Variants in LARP1B observed in about 807,000 individuals in gnomAD.
LARP1B encodes la-related protein 1B.
LARP1B carries 76 observed loss-of-function variants against 114.2 expected under a neutral mutation model. The observed-to-expected ratio is 0.67, with a 90% CI of 0.55 to 0.81. LARP1B has a LOEUF of 0.81. LARP1B is among the 30% of genes least tolerant of loss of function. The pLI, the probability that LARP1B is intolerant of heterozygous loss-of-function variation, is 0.00. For missense variants in LARP1B, 1,014 were observed against 1,075.8 expected (o/e 0.94, Z 0.80); for synonymous variants, 345 against 348.0 (o/e 0.99, Z 0.10).
At chr4:128,197,378 T>C (rs911908602) in intron 15 of LARP1B, among the ~76,000 whole-genome samples, 1 of 152,204 alleles carries the variant, frequency 6.6e-6, no homozygotes, top group Non-Finnish European at 1.5e-5. Flanking sequence ...GAAAAAACAG[T>C]TGTTTTCCTT....
intron 7 of LARP1B, among the ~76,000 whole-genome samples, chr4:128,221,161 A>G (rs1218291386): frequency 6.6e-6 from 1 of 152,244 alleles, no homozygotes; most frequent in Non-Finnish European, 1.5e-5. Context: ...TAAATGATTT[A>G]CAATATATGC....
intron 15 of LARP1B, among the ~76,000 whole-genome samples, chr4:128,182,107 C>CT: frequency 7.6e-6 from 1 of 131,998 alleles, no homozygotes; most frequent in South Asian, 2.4e-4. Flanking sequence ...CCACTGCACC[C>CT]GGCCTTTTTT....
chr4:128,136,061 G>A (rs1291964090), intron 11 of LARP1B, among the ~76,000 whole-genome samples: 4 of 152,240 alleles, frequency 2.6e-5, no homozygotes, highest in South Asian at 4.1e-4. Flanking sequence ...CGGAGGCCAA[G>A]GTGGGCAGAT....
chr4:128,074,414 T>TA, intron 1 of LARP1B, 46 bp from the exon 2 acceptor site: 1 of 328,828 alleles, frequency 3.0e-6, no homozygotes, highest in Non-Finnish European at 4.4e-6. Context: ...TTGTTGAATT[T>TA]ATTGAATGAA....
intron 9 of LARP1B, among the ~76,000 whole-genome samples, chr4:128,111,556 G>A (rs542165148): frequency 6.6e-6 from 1 of 152,178 alleles, no homozygotes; most frequent in South Asian, 2.1e-4. Flanking sequence ...TTTTTATGTT[G>A]ACTGGGTGTG....
intron 15 of LARP1B, among the ~76,000 whole-genome samples, chr4:128,182,255 A>G (rs1449671665): frequency 1.3e-5 from 2 of 151,828 alleles, no homozygotes; most frequent in Non-Finnish European, 2.9e-5. Context: ...CTGGAACTAC[A>G]GTTGCATGCC....
intron 1 of LARP1B, among the ~76,000 whole-genome samples, chr4:128,072,474 C>T (rs1187369774): frequency 6.6e-6 from 1 of 152,074 alleles, no homozygotes. Flanking sequence ...TAATGACATG[C>T]AGCATGATTT....
rs1020112319 is a variant in LARP1B at position 128,098,109 on chromosome 4, TCA to T, written c.669-74_669-73del. The T allele has an allele frequency of 1.3e-4, 155 of 1,150,950 alleles. No homozygotes were observed. In the African/African-American group the frequency reaches 2.0e-3, roughly 15 times the overall value. 71.3% of individuals were successfully genotyped at this position (1,150,950 alleles called of 1,614,324 possible). On this transcript the variant is annotated intron_variant, in intron 7 of 19. Transcript: ENST00000326639. ...ATATTTTCATGTTAATGATTGGTTT[TCA>T]CAGTTAATGTGGGAGCAATAGAAAT...
intron 8 of LARP1B, among the ~76,000 whole-genome samples, chr4:128,104,023 T>A (rs1488641104): frequency 6.6e-6 from 1 of 150,760 alleles, no homozygotes; most frequent in East Asian, 1.9e-4. Context: ...ATTTATTTAT[T>A]TAGAGATGGA....
rs186654377 is a variant in LARP1B at position 128,069,133 on chromosome 4, A to G, written c.-77-5327A>G. The G allele has an allele frequency of 6.4e-6, 7 of 1,085,546 alleles. No individual in the cohort carries two copies. The African/African-American group carries it at 7.7e-5, about 12-fold the overall frequency. The allele number at this position is 1,085,546 out of a possible 1,614,324, so 67.2% of individuals were successfully genotyped here. On this transcript the variant is annotated intron_variant, in intron 1 of 19. Coordinates refer to ENST00000326639, the MANE Select transcript of LARP1B (RefSeq NM_018078.4). ...AGGCTATGGCTCTTTCGGCCTGCAG[A>G]TGGCAGCCCATGCATCTTCCTATGC...
rs1788149570 is a variant in LARP1B, at chr4:128,122,138, G to T, written c.1474G>T (p.Glu492Ter). ...TATCAATGATGGCTTATACTATTAT[G>T]AACAGGATCTATGGATGGAAGAAGA... ...KVINDGLYYY[E>*]QDLWMEEDEN... Residue 492 changes from glutamate (E) to a stop codon, truncating the protein, a stop_gained, in exon 11 of 20, where the codon GAA (glutamate) becomes TAA (stop). Transcript: ENST00000326639. LOFTEE classifies it high-confidence loss of function. 2 of 1,613,876 alleles carry T rather than the reference G, an allele frequency of 1.2e-6. No individual in the cohort carries two copies. The highest frequency in any genetic ancestry group is 1.7e-6 in the Non-Finnish European group (2 of 1,179,850).
In LARP1B at chr4:128,098,138, T is replaced by C. The variant is rs747127972; in HGVS notation, c.669-48T>C. ...AGTTAATGTGGGAGCAATAGAAATATTTATTTCCTACTAAATAAATGGATG... is the reference window on the plus strand; with the variant it reads ...AGTTAATGTGGGAGCAATAGAAATACTTATTTCCTACTAAATAAATGGATG... On this transcript the variant is annotated intron_variant, in intron 7 of 19. Transcript: ENST00000326639. The C allele has an allele frequency of 1.1e-5, 16 of 1,449,224 alleles. No individual in the cohort carries two copies. The East Asian group carries it at 2.1e-4, about 19-fold the overall frequency. The allele number at this position is 1,449,224 out of a possible 1,614,324, so 89.8% of individuals were successfully genotyped here. A position where few individuals can be genotyped will look rare whatever the true frequency, so the allele number is the denominator to read the frequency against.
At chr4:128,155,558 A>G (rs1735142104) in intron 11 of LARP1B, 3 of 815,524 alleles carry the variant, frequency 3.7e-6, no homozygotes, top group Non-Finnish European at 6.6e-6. Context: ...GTACAGCTTC[A>G]TTTTCTGGGG....
intron 15 of LARP1B, among the ~76,000 whole-genome samples, chr4:128,191,883 A>C (rs2150796542): frequency 6.6e-6 from 1 of 152,282 alleles, no homozygotes; most frequent in African/African-American, 2.4e-5. Flanking sequence ...CCAATGAAGA[A>C]GCTGAGTCTG....
At chr4:128,063,427 CAAAAAAAAAAAAAAAA>C (rs763868048) in intron 1 of LARP1B, among the ~76,000 whole-genome samples, 8 of 13,218 alleles carry the variant, frequency 6.1e-4, no homozygotes, top group Admixed American at 2.7e-3. Context: ...GACCCACTCT[CAAAAAAAAAAAAAAAA>C]AAAAAAAAAA....
At chr4:128,114,407 T>G (rs1430270558) in intron 9 of LARP1B, among the ~76,000 whole-genome samples, 163 bp from the exon 10 acceptor site, 2 of 152,208 alleles carry the variant, frequency 1.3e-5, no homozygotes, top group African/African-American at 4.8e-5. Context: ...TGAGTAAATC[T>G]TATGAGCCCT....
intron 6 of LARP1B, among the ~76,000 whole-genome samples, chr4:128,220,147 A>C (rs1759897665): frequency 6.6e-6 from 1 of 152,034 alleles, no homozygotes; most frequent in Non-Finnish European, 1.5e-5. Context: ...AGCCTCCCAA[A>C]GTGCTGTGAT....
intron 11 of LARP1B, among the ~76,000 whole-genome samples, chr4:128,142,689 G>A (rs968117054): frequency 6.6e-6 from 1 of 151,736 alleles, no homozygotes; most frequent in African/African-American, 2.4e-5. Flanking sequence ...TGTATTTTTA[G>A]TAGAGACGGG....
Position 128,210,297 on chromosome 4 carries a change from C to CT in LARP1B, c.*248dup, listed in dbSNP as rs2150969099. 1 of 1,284,244 alleles carries CT rather than the reference C, an allele frequency of 7.8e-7. No individual in the cohort carries two copies. The highest frequency in any genetic ancestry group is 2.2e-5 in the South Asian group (1 of 45,934). The allele number at this position is 1,284,244 out of a possible 1,614,324, so 79.6% of individuals were successfully genotyped here. ...CACAAACAAGGATAGTCTTGGTGAC[C>CT]TTTTATAGAGATCTTCTAGTAATGT... On this transcript the variant is annotated 3_prime_UTR_variant, in exon 20 of 20. Coordinates refer to ENST00000326639, the MANE Select transcript of LARP1B (RefSeq NM_018078.4).
Sources: allele counts gnomAD v4.1 joint callset (sites outside exome capture counted in the v4.1 genomes callset), GRCh38; gene constraint gnomAD v4.1.1; transcripts MANE v1.5; gene names NCBI Gene and HGNC (gene_info 2026-07-23, HGNC 2026-07-21).